The following IGSF10 variants were observed in gnomAD, a reference collection of about 807,000 sequenced individuals.
IGSF10 encodes the protein calvaria mechanical force protein 608.
A neutral mutation model predicts 128.2 loss-of-function variants in IGSF10; 126 were observed. That is an observed-to-expected ratio of 0.98 (90% CI 0.85 to 1.14). IGSF10 has a LOEUF of 1.14. Ranked by LOEUF, IGSF10 falls within the 50% of genes most tolerant of loss-of-function variation. The pLI is 0.00. For missense variants in IGSF10, 3,295 were observed against 3,149.8 expected (o/e 1.05, Z -1.10); for synonymous variants, 1,185 against 1,146.2 (o/e 1.03, Z -0.68).
chr3:151,540,519 T>C, the IGSF10 span, among the ~76,000 whole-genome samples: 87 of 152,316 alleles, frequency 5.7e-4, no homozygotes, highest in African/African-American at 2.0e-3. Context: ...TAAACCACAG[T>C]GTAGTTATCC....
chr3:151,497,389 CA>C, the IGSF10 span, among the ~76,000 whole-genome samples: 1 of 152,126 alleles, frequency 6.6e-6, no homozygotes, highest in Non-Finnish European at 1.5e-5. Flanking sequence ...CAGCTTTCTC[CA>C]TATGGCTAGC....
chr3:151,437,392 A>G lies in IGSF10; in HGVS notation c.7169T>C (p.Ile2390Thr), dbSNP rs1720427345. 3.1e-6 allele frequency: 5 copies of G among 1,614,220 alleles called. No homozygotes were observed. Among genetic ancestry groups the G allele is most frequent in the Middle Eastern group, 1.6e-4 (1 of 6,062 alleles). The change falls in exon 8 of 8, where the codon ATA becomes ACA. Residue 2390 changes from isoleucine to threonine, a missense_variant. Physicochemically the swap from Ile to Thr is moderately conservative, Grantham distance 89 (BLOSUM62 -1). Transcript: ENST00000282466. The part of the protein sequence containing the change: ...SNGPQSYQYL[I>T]ASNGSFIISK... ...AATGATAAAAGAACCATTGCTTGCT[A>G]TCAGATACTGATAACTTTGTGGTCC... is the stretch of plus-strand genomic sequence containing the variant.
chr3:151,447,142 ACT>A lies in IGSF10; in HGVS notation c.2837_2838del (p.Glu946ValfsTer7), dbSNP rs776361817. 2 of 1,613,902 alleles carry A rather than the reference ACT, an allele frequency of 1.2e-6. No homozygotes were observed. The highest frequency in any genetic ancestry group is 2.7e-5 in the African/African-American group (2 of 74,862). On this transcript the variant is annotated frameshift_variant, in exon 6 of 8. Transcript: ENST00000282466. LOFTEE classifies it high-confidence loss of function. ...LSSTTNKLLL[E>X]SVNTTNSHQT... is the part of the protein sequence containing the mutation. ...TGATGACTATTTGTGGTATTTACTG[ACT>A]CTAATAATAGTTTGTTGGTGGTGCT...
At chr3:151,609,484 C>T in the IGSF10 span, among the ~76,000 whole-genome samples, 92 of 151,736 alleles carry the variant, frequency 6.1e-4, no homozygotes, top group African/African-American at 2.1e-3. Flanking sequence ...TTAGCATTCC[C>T]ATTACTCAGT....
At chr3:151,512,438 G>A in the IGSF10 span, among the ~76,000 whole-genome samples, 4 of 152,106 alleles carry the variant, frequency 2.6e-5, no homozygotes, top group African/African-American at 9.7e-5. Flanking sequence ...CAACATACCA[G>A]AATCTCTGGG....
At chr3:151,435,062 CTTTTTTTTTTT>C (rs66791814), downstream of IGSF10, 1 of 119,082 alleles carries the variant, frequency 8.4e-6, no homozygotes, top group Non-Finnish European at 1.7e-5. Flanking sequence ...TGAGAGGTTT[CTTTTTTTTTTT>C]TTTTTTTTTC....
intron 2 of IGSF10, 39 bp from the exon 3 acceptor site, chr3:151,458,749 G>A (rs781073633): frequency 1.3e-6 from 2 of 1,556,738 alleles, no homozygotes; most frequent in Non-Finnish European, 1.8e-6. Flanking sequence ...AAAGAGTGGT[G>A]GAGCAAAGTC....
chr3:151,435,347 G>C (rs1392663794), downstream of IGSF10: 1 of 151,754 alleles, frequency 6.6e-6, no homozygotes, highest in Non-Finnish European at 1.5e-5. Flanking sequence ...GTCAGTCATT[G>C]CATTTACCCT....
chr3:151,453,328 C>A, intron 5 of IGSF10, 56 bp downstream of exon 5: 1 of 1,400,632 alleles, frequency 7.1e-7, no homozygotes, highest in South Asian at 1.4e-5. Context: ...TAATATAATA[C>A]CTCCAAGCAG....
chr3:151,448,269 G>C lies in IGSF10; in HGVS notation c.1712C>G (p.Pro571Arg). 1 of 1,614,198 alleles carries C rather than the reference G, an allele frequency of 6.2e-7. No individual in the cohort carries two copies. Among genetic ancestry groups the C allele is most frequent in the South Asian group, 1.1e-5 (1 of 91,088 alleles). The change falls in exon 6 of 8, where the codon CCT (proline) becomes CGT (arginine). Residue 571 changes from proline to arginine, a missense_variant. Coordinates refer to ENST00000282466, the MANE Select transcript of IGSF10 (RefSeq NM_178822.5). ...ATTTTCCTGATAGGCTTCGACCAAA[G>C]GTTCTACCACAGTTATCCTATAGGT... ...ILTYRITVVE[P>R]LVEAYQENGI...
At chr3:151,484,258 C>T in the IGSF10 span, among the ~76,000 whole-genome samples, 2 of 152,230 alleles carry the variant, frequency 1.3e-5, no homozygotes, top group African/African-American at 2.4e-5. Flanking sequence ...AGATTCCTTC[C>T]TCTCAGAGCT....
At chr3:151,616,475 G>T in the IGSF10 span, among the ~76,000 whole-genome samples, 1 of 152,138 alleles carries the variant, frequency 6.6e-6, no homozygotes, top group Non-Finnish European at 1.5e-5. Flanking sequence ...TTAAAGGAGA[G>T]AGTGGTTTTG....
the IGSF10 span, among the ~76,000 whole-genome samples, chr3:151,522,307 A>C: frequency 6.6e-6 from 1 of 152,142 alleles, no homozygotes; most frequent in Non-Finnish European, 1.5e-5. Context: ...GCTCCAAAAC[A>C]ATTAAGGAGG....
the IGSF10 span, among the ~76,000 whole-genome samples, chr3:151,519,308 C>T: frequency 6.6e-6 from 1 of 151,570 alleles, no homozygotes; most frequent in African/African-American, 2.4e-5. Flanking sequence ...AGTTTTAGGG[C>T]CCTCACTTGC....
At position 151,447,934 on chromosome 3, in the gene IGSF10, C is replaced by G; in HGVS notation, c.2047G>C (p.Glu683Gln). The change falls in exon 6 of 8, where the codon GAG (glutamate) becomes CAG (glutamine). Residue 683 changes from glutamate (E) to glutamine (Q), a missense_variant. Physicochemically the swap from Glu to Gln is conservative, Grantham distance 29. Coordinates refer to ENST00000282466, the MANE Select transcript of IGSF10 (RefSeq NM_178822.5). ...DGETEGSGLD[E>Q]SNPIAHLKEP... ...TTAAGATGAGCAATAGGATTGGACT[C>G]ATCAAGTCCAGATCCCTCTGTTTCT... The G allele has an allele frequency of 6.2e-7, 1 of 1,614,086 alleles. No homozygotes were observed.
At position 151,448,523 on chromosome 3, in the gene IGSF10, A is replaced by C; in HGVS notation, c.1458T>G (p.Thr486=). The change falls in exon 6 of 8, where the codon ACT becomes ACG. Residue 486 remains threonine, a synonymous_variant. Coordinates refer to ENST00000282466, the MANE Select transcript of IGSF10 (RefSeq NM_178822.5). ...GGCCAACGGTTCCACCTACCAAGAC[A>C]GTATGTTCCAGCTTAGTATTGTTAT... ...SRDNNTKLEH[T]VLVGGTVGLN... 1 of 1,614,266 alleles carries C rather than the reference A, an allele frequency of 6.2e-7. No homozygotes were observed. The highest frequency in any genetic ancestry group is 2.2e-5 in the East Asian group (1 of 44,894).
At chr3:151,564,473 A>G in the IGSF10 span, among the ~76,000 whole-genome samples, 4 of 151,782 alleles carry the variant, frequency 2.6e-5, no homozygotes, top group African/African-American at 9.7e-5. Context: ...TTTCTTTGAC[A>G]ACATTTACAA....
At chr3:151,480,765 C>T in the IGSF10 span, among the ~76,000 whole-genome samples, 3 of 152,026 alleles carry the variant, frequency 2.0e-5, no homozygotes, top group Non-Finnish European at 4.4e-5. Flanking sequence ...ATCCCAGTTA[C>T]TGCTGGATCC....
the IGSF10 span, among the ~76,000 whole-genome samples, chr3:151,493,345 A>G: frequency 6.6e-6 from 1 of 152,182 alleles, no homozygotes; most frequent in African/African-American, 2.4e-5. Flanking sequence ...TATAGTAACC[A>G]TTTTACTATC....
Sources: allele counts gnomAD v4.1 joint callset (sites outside exome capture counted in the v4.1 genomes callset), GRCh38; gene constraint gnomAD v4.1.1; transcripts MANE v1.5; gene names NCBI Gene and HGNC (gene_info 2026-07-23, HGNC 2026-07-21).